Variants in PC observed in about 807,000 individuals in gnomAD.
The protein encoded by PC is pyruvate carboxylase, mitochondrial.
Under a neutral mutation model 107.8 loss-of-function variants are expected in PC, and 46 were observed. The observed-to-expected ratio is 0.43, with a 90% confidence interval of 0.34 to 0.55. The LOEUF (loss-of-function observed/expected upper bound fraction) is 0.55. PC is among the 20% of genes least tolerant of loss of function. PC has a pLI of 0.04. For missense variants in PC, 1,241 were observed against 1,643.1 expected (o/e 0.76, Z 4.23); for synonymous variants, 662 against 684.7 (o/e 0.97, Z 0.52).
intron 12 of PC, among the ~76,000 whole-genome samples, chr11:66,856,231 G>A (rs1014204255): frequency 6.6e-6 from 1 of 152,264 alleles, no homozygotes; most frequent in African/African-American, 2.4e-5. Context: ...GAGCGGGAGG[G>A]AGGGGCCGCA....
intron 3 of PC, among the ~76,000 whole-genome samples, chr11:66,942,913 G>C (rs1190681823): frequency 1.3e-5 from 2 of 151,968 alleles, no homozygotes; most frequent in East Asian, 3.9e-4. Context: ...CTACTCGGGA[G>C]GCTGAGGCAG....
rs1337169644 is a variant in PC at position 66,949,238 on chromosome 11, C to T, written c.-1+3192G>A. 3.3e-4 allele frequency among the ~76,000 whole-genome samples: 50 copies of T among 151,456 alleles called. 1 individual carries two copies. Among genetic ancestry groups the T allele is most frequent in the Admixed American group, 3.3e-3 (50 of 15,200 alleles). ...CAATCTCTTGACCTCGTGATCTGCCCGCCTTGGCCTCCCAAAGTGCTAGGA... is the reference window on the plus strand; with the variant it reads ...CAATCTCTTGACCTCGTGATCTGCCTGCCTTGGCCTCCCAAAGTGCTAGGA... On this transcript the variant is annotated intron_variant, in intron 3 of 22. Coordinates refer to ENST00000393960, the MANE Select transcript of PC (RefSeq NM_001040716.2).
At chr11:66,894,915 A>G (rs1304262728) in intron 3 of PC, among the ~76,000 whole-genome samples, 3 of 152,030 alleles carry the variant, frequency 2.0e-5, no homozygotes, top group Admixed American at 2.0e-4. Context: ...CCAGCTACTC[A>G]GGACGCTGAG....
Position 66,858,862 on chromosome 11 carries a change from A to G in PC, c.1368+4912T>C, listed in dbSNP as rs756654010. 14 of 1,556,788 alleles carry G rather than the reference A, an allele frequency of 9.0e-6. No homozygotes were observed. The South Asian group carries it at 1.5e-4, about 17-fold the overall frequency. On this transcript the variant is annotated intron_variant, in intron 12 of 22. Transcript: ENST00000393960. The surrounding 1 kb of genome is among the most constrained non-coding windows in gnomAD (Gnocchi z 5.9). ...GAACTGCGGGTGCTGGCCTTGCCCCATGGTGGGAACAGCAGTGCCGAGGGG... is the reference window on the plus strand; with the variant it reads ...GAACTGCGGGTGCTGGCCTTGCCCCGTGGTGGGAACAGCAGTGCCGAGGGG...
chr11:66,907,242 T>C (rs1385452162), intron 3 of PC, among the ~76,000 whole-genome samples: 2 of 152,186 alleles, frequency 1.3e-5, no homozygotes, highest in Non-Finnish European at 2.9e-5. Context: ...CAAAACCTGT[T>C]CTCGGCCAGG....
Position 66,858,215 on chromosome 11 carries a change from C to T in PC, c.1369-4832G>A, listed in dbSNP as rs1346553237. On this transcript the variant is annotated intron_variant, in intron 12 of 22. Transcript: ENST00000393960. The surrounding 1 kb of genome is among the most constrained non-coding windows in gnomAD (Gnocchi z 5.9). Reference sequence around the variant, plus strand: ...ACCTGGACCTGTCCTACAACAACCTCCGGCAGGTGCCCTGGGCCGGCATCG... The same window carrying T: ...ACCTGGACCTGTCCTACAACAACCTTCGGCAGGTGCCCTGGGCCGGCATCG... 7 of 1,612,548 alleles carry T rather than the reference C, an allele frequency of 4.3e-6. No homozygotes were observed. Among genetic ancestry groups the T allele is most frequent in the Non-Finnish European group, 5.9e-6 (7 of 1,179,914 alleles).
At chr11:66,881,483 G>A (rs1947186389) in intron 3 of PC, among the ~76,000 whole-genome samples, 1 of 152,232 alleles carries the variant, frequency 6.6e-6, no homozygotes, top group Non-Finnish European at 1.5e-5. Context: ...TCCCCTTCCA[G>A]AAGGGAGTCA....
At position 66,870,549 on chromosome 11, in the gene PC, G is replaced by A. The variant is rs1946684659; in HGVS notation, c.752-96C>T. On this transcript the variant is annotated intron_variant, in intron 8 of 22. Transcript: ENST00000393960. This position sits in a 1 kb window ranked among gnomAD's most constrained non-coding sequence, Gnocchi z 6.1. ...CACATAACCACTGTCGCCAGTCAGT[G>A]CCGGCTGCCAGCGGTACAGAGGCTG... The A allele has an allele frequency of 2.1e-6, 3 of 1,436,742 alleles. No individual in the cohort carries two copies. The highest frequency in any genetic ancestry group is 2.8e-5 in the African/African-American group (2 of 71,440). 89.0% of individuals were successfully genotyped at this position (1,436,742 alleles called of 1,614,324 possible).
intron 3 of PC, among the ~76,000 whole-genome samples, chr11:66,926,754 C>A (rs1948724901): frequency 7.7e-6 from 1 of 129,672 alleles, no homozygotes; most frequent in African/African-American, 2.9e-5. Flanking sequence ...AACCAGTAAT[C>A]TGCTTTCCAT....
chr11:66,911,421 C>CAA (rs778431341), intron 3 of PC, among the ~76,000 whole-genome samples: 19 of 51,586 alleles, frequency 3.7e-4, no homozygotes, highest in African/African-American at 1.0e-3. Context: ...GCAGCCTGGA[C>CAA]AAAAAAAAAA....
intron 3 of PC, among the ~76,000 whole-genome samples, chr11:66,914,372 C>T (rs1158240344): frequency 6.6e-6 from 1 of 151,900 alleles, no homozygotes. Flanking sequence ...ATTAGCTGGG[C>T]GTGGTGGCAG....
In PC at chr11:66,858,887, G is replaced by A. The variant is rs1245409058; in HGVS notation, c.1368+4887C>T. 1.3e-6 allele frequency: 2 copies of A among 1,552,804 alleles called. No individual in the cohort carries two copies. Among genetic ancestry groups the A allele is most frequent in the South Asian group, 1.2e-5 (1 of 85,120 alleles). ...ATGGTGGGAACAGCAGTGCCGAGGG[G>A]GGCCGCCCCGGGCCCTCGGACATCG... On this transcript the variant is annotated intron_variant, in intron 12 of 22. Transcript: ENST00000393960. The surrounding 1 kb of genome is among the most constrained non-coding windows in gnomAD (Gnocchi z 5.9).
intron 3 of PC, among the ~76,000 whole-genome samples, chr11:66,882,056 G>C (rs35099456): frequency 0.035 from 5,267 of 152,264 alleles, 130 homozygotes; most frequent in Non-Finnish European, 0.055. Context: ...GAGAGCTGAC[G>C]AACAATGTCA....
At chr11:66,952,161 C>T (rs1377095833) in intron 3 of PC, 1 of 152,258 alleles carries the variant, frequency 6.6e-6, no homozygotes, top group East Asian at 1.9e-4. Flanking sequence ...CCCAAGCTGA[C>T]CATACCCTTC....
chr11:66,882,276 G>A (rs1947211772), intron 3 of PC, among the ~76,000 whole-genome samples: 1 of 152,222 alleles, frequency 6.6e-6, no homozygotes, highest in South Asian at 2.1e-4. Flanking sequence ...CAGCCTTTCT[G>A]GGGACCAGGG....
At chr11:66,853,743 G>C (rs540341195) in intron 12 of PC, among the ~76,000 whole-genome samples, 3 of 152,214 alleles carry the variant, frequency 2.0e-5, no homozygotes, top group Non-Finnish European at 4.4e-5. Flanking sequence ...GGCCTTGACC[G>C]CAACAGACCA....
chr11:66,884,018 G>T (rs568077210), intron 3 of PC, among the ~76,000 whole-genome samples: 1 of 152,182 alleles, frequency 6.6e-6, no homozygotes, highest in Non-Finnish European at 1.5e-5. Context: ...GCTGAAGCGG[G>T]TGGATCACCT....
intron 3 of PC, among the ~76,000 whole-genome samples, chr11:66,949,691 C>T (rs373208693): frequency 3.2e-4 from 48 of 152,030 alleles, no homozygotes; most frequent in African/African-American, 1.1e-3. Flanking sequence ...TAAATAAAAG[C>T]CCCCTGAAAG....
At chr11:66,872,676 A>G (rs1281782494) in intron 3 of PC, among the ~76,000 whole-genome samples, 1 of 151,900 alleles carries the variant, frequency 6.6e-6, no homozygotes, top group Non-Finnish European at 1.5e-5. Flanking sequence ...CAGAGCTTGC[A>G]GCGAGCCGAG....
Sources: allele counts gnomAD v4.1 joint callset (sites outside exome capture counted in the v4.1 genomes callset), GRCh38; gene constraint gnomAD v4.1.1; non-coding constraint Gnocchi (gnomAD v3.1); transcripts MANE v1.5; gene names NCBI Gene and HGNC (gene_info 2026-07-23, HGNC 2026-07-21).